TAF3: variants seen among roughly 807,000 people sequenced by gnomAD.
The protein encoded by TAF3 is transcription initiation factor TFIID subunit 3.
TAF3 carries 7 observed loss-of-function variants against 80.6 expected under a neutral mutation model. That is an observed-to-expected ratio of 0.09 (90% CI 0.05 to 0.16). The LOEUF (loss-of-function observed/expected upper bound fraction) is 0.16. Ranked by LOEUF, TAF3 falls within the 10% of genes least tolerant of loss-of-function variation. The pLI is 1.00. For missense variants in TAF3, 921 were observed against 1,140.2 expected (o/e 0.81, Z 2.77); for synonymous variants, 444 against 446.1 (o/e 1.00, Z 0.06).
At chr10:7,892,324 C>T (rs1837463711) in intron 2 of TAF3, among the ~76,000 whole-genome samples, 1 of 152,188 alleles carries the variant, frequency 6.6e-6, no homozygotes, top group Non-Finnish European at 1.5e-5. Flanking sequence ...TGTGGGTGAG[C>T]TGCTGAGGAG....
At chr10:7,857,397 C>T (rs1837092342) in intron 2 of TAF3, among the ~76,000 whole-genome samples, 1 of 152,214 alleles carries the variant, frequency 6.6e-6, no homozygotes, top group Non-Finnish European at 1.5e-5. Context: ...CTTAAACAGT[C>T]TGTCCGGGAG....
chr10:8,009,968 G>C lies in TAF3; in HGVS notation c.2568+638G>C, dbSNP rs1185238800. Among the ~76,000 whole-genome samples, 2 of 151,896 alleles carry C rather than the reference G, an allele frequency of 1.3e-5. No individual in the cohort carries two copies. Among genetic ancestry groups the C allele is most frequent in the African/African-American group, 4.8e-5 (2 of 41,322 alleles). Reference sequence around the variant, plus strand: ...ACTCTGTCACCGAGGCTGGAGTGCAGTGGTACGATCTCGGCTCACTGCAGC... The same window carrying C: ...ACTCTGTCACCGAGGCTGGAGTGCACTGGTACGATCTCGGCTCACTGCAGC... On this transcript the variant is annotated intron_variant, in intron 5 of 6. Transcript: ENST00000344293. The surrounding 1 kb of genome is among the most constrained non-coding windows in gnomAD (Gnocchi z 4.1).
Position 7,964,459 on chromosome 10 carries a change from A to G in TAF3, c.949A>G (p.Ser317Gly), listed in dbSNP as rs766254651. ...KEKKSPGRSK[S>G]PKSPKSPKVT... ...AAAGAAATCACCTGGACGTTCCAAG[A>G]GCCCCAAGAGTCCCAAGAGCCCCAA... The change falls in exon 3 of 7, where the codon AGC becomes GGC. Residue 317 changes from serine to glycine, a missense_variant. This residue lies in a region of TAF3 where 743 missense variants were observed against 821.0 expected (regional missense o/e 0.90). Transcript: ENST00000344293. The surrounding 1 kb of genome is among the most constrained non-coding windows in gnomAD (Gnocchi z 4.1). 1.2e-6 allele frequency: 2 copies of G among 1,613,850 alleles called. No homozygotes were observed. The highest frequency in any genetic ancestry group is 1.7e-6 in the Non-Finnish European group (2 of 1,179,972).
intron 2 of TAF3, among the ~76,000 whole-genome samples, chr10:7,871,432 C>T (rs1837263526): frequency 1.3e-5 from 1 of 74,124 alleles, no homozygotes; most frequent in Non-Finnish European, 2.8e-5. Flanking sequence ...CAAATAACTG[C>T]TGCTTTTTTT....
chr10:7,870,888 AG>A (rs1329048614), intron 2 of TAF3, among the ~76,000 whole-genome samples: 1 of 152,104 alleles, frequency 6.6e-6, no homozygotes, highest in African/African-American at 2.4e-5. Flanking sequence ...TGAAGCTCAG[AG>A]TTTCTTGTAA....
At chr10:7,823,320 A>G (rs1361298371) in intron 1 of TAF3, among the ~76,000 whole-genome samples, 1 of 151,012 alleles carries the variant, frequency 6.6e-6, no homozygotes, top group Non-Finnish European at 1.5e-5. Flanking sequence ...ACAGCACACT[A>G]CTTATTTGAT....
At chr10:7,982,543 C>T (rs183570493) in intron 4 of TAF3, among the ~76,000 whole-genome samples, 11 of 152,228 alleles carry the variant, frequency 7.2e-5, no homozygotes, top group Non-Finnish European at 1.6e-4. Flanking sequence ...GGATTTCAGG[C>T]ATGTGCCACC....
intron 2 of TAF3, among the ~76,000 whole-genome samples, chr10:7,878,400 G>A (rs929148939): frequency 2.0e-5 from 3 of 152,104 alleles, no homozygotes; most frequent in Non-Finnish European, 4.4e-5. Flanking sequence ...GAGCACTTCT[G>A]CTCTTAGAAG....
At position 8,009,392 on chromosome 10, in the gene TAF3, C is replaced by A; in HGVS notation, c.2568+62C>A. The A allele has an allele frequency of 6.6e-7, 1 of 1,508,342 alleles. No homozygotes were observed. Among genetic ancestry groups the A allele is most frequent in the Non-Finnish European group, 8.9e-7 (1 of 1,128,656 alleles). The allele number at this position is 1,508,342 out of a possible 1,614,324, so 93.4% of individuals were successfully genotyped here. ...GTTTTCAGATCGAGACAAGTGTGTG[C>A]TCTGAATCACTATCGAATTTCAGAC... On this transcript the variant is annotated intron_variant, in intron 5 of 6. Transcript: ENST00000344293. The surrounding 1 kb of genome is among the most constrained non-coding windows in gnomAD (Gnocchi z 4.1).
intron 1 of TAF3, among the ~76,000 whole-genome samples, chr10:7,824,088 T>C (rs1836717805): frequency 6.6e-6 from 1 of 152,152 alleles, no homozygotes; most frequent in South Asian, 2.1e-4. Flanking sequence ...ATGAATGTGG[T>C]TTTTCTGTGG....
chr10:8,002,360 A>G (rs1025979648), intron 4 of TAF3, among the ~76,000 whole-genome samples: 1 of 151,896 alleles, frequency 6.6e-6, no homozygotes, highest in Non-Finnish European at 1.5e-5. Flanking sequence ...TTTTGGCGGG[A>G]GCTATAATTT....
chr10:8,009,216 C>A lies in TAF3; in HGVS notation c.2454C>A (p.Leu818=). ...CTGCGCCCGTGCCGCTGCCGCTGCTCGCCCAGGCCGCCGCGGGCCCTGCCC... is the reference window on the plus strand; with the variant it reads ...CTGCGCCCGTGCCGCTGCCGCTGCTAGCCCAGGCCGCCGCGGGCCCTGCCC... The part of the protein sequence containing the change: ...VSPAPVPLPL[L]AQAAAGPALL... Residue 818 remains leucine (L), a synonymous_variant, in exon 5 of 7, where the codon CTC becomes CTA. Coordinates refer to ENST00000344293, the MANE Select transcript of TAF3 (RefSeq NM_031923.4). This position sits in a 1 kb window ranked among gnomAD's most constrained non-coding sequence, Gnocchi z 4.1. 6.9e-7 allele frequency: 1 copy of A among 1,451,858 alleles called. No homozygotes were observed. The highest frequency in any genetic ancestry group is 9.1e-7 in the Non-Finnish European group (1 of 1,102,828). The allele number at this position is 1,451,858 out of a possible 1,614,324, so 89.9% of individuals were successfully genotyped here. A position where few individuals can be genotyped will look rare whatever the true frequency, so the allele number is the denominator to read the frequency against.
In TAF3 at chr10:7,843,275, CT is replaced by C. The variant is rs35391531; in HGVS notation, c.409+18729del. ...AGCTTGCACCACCATGCCCAGCTAA[CT>C]TTTTTTTTTTTTTGTAGAGATGGGC... On this transcript the variant is annotated intron_variant, in intron 2 of 6. Coordinates refer to ENST00000344293, the MANE Select transcript of TAF3 (RefSeq NM_031923.4). Among the ~76,000 whole-genome samples the C allele has an allele frequency of 6.6e-3, 947 of 144,454 alleles. 6 individuals carry two copies. Among genetic ancestry groups the C allele is most frequent in the South Asian group, 0.024 (111 of 4,572 alleles). 94.8% of individuals were successfully genotyped at this position (144,454 alleles called of 152,430 possible). A position where few individuals can be genotyped will look rare whatever the true frequency, so the allele number is the denominator to read the frequency against.
chr10:7,846,265 G>A (rs1454682323), intron 2 of TAF3, among the ~76,000 whole-genome samples: 1 of 152,124 alleles, frequency 6.6e-6, no homozygotes, highest in Non-Finnish European at 1.5e-5. Flanking sequence ...CCAAAAGGAT[G>A]AAGTTTTTAA....
intron 2 of TAF3, among the ~76,000 whole-genome samples, chr10:7,863,033 G>C (rs1837162874): frequency 6.6e-6 from 1 of 152,086 alleles, no homozygotes; most frequent in Admixed American, 6.5e-5. Context: ...TAAATACCCA[G>C]GAATGGAATG....
At chr10:7,833,409 G>A (rs1836821361) in intron 2 of TAF3, among the ~76,000 whole-genome samples, 1 of 152,076 alleles carries the variant, frequency 6.6e-6, no homozygotes, top group Admixed American at 6.5e-5. Context: ...ACAGGTGTGA[G>A]GTAATATCTC....
At chr10:7,960,311 G>C (rs1838177419) in intron 2 of TAF3, among the ~76,000 whole-genome samples, 1 of 152,184 alleles carries the variant, frequency 6.6e-6, no homozygotes, top group African/African-American at 2.4e-5. Flanking sequence ...CAAAAGCGAG[G>C]GAGGGAGGGA....
chr10:7,976,246 T>C (rs1282065670), intron 3 of TAF3, among the ~76,000 whole-genome samples: 2 of 151,698 alleles, frequency 1.3e-5, no homozygotes, highest in Non-Finnish European at 2.9e-5. Context: ...TTCTTTCTTT[T>C]TTCTTTTTTT....
At chr10:8,010,472 T>C (rs1832044076) in intron 5 of TAF3, among the ~76,000 whole-genome samples, 1 of 152,258 alleles carries the variant, frequency 6.6e-6, no homozygotes, top group Non-Finnish European at 1.5e-5. Context: ...TGTACACTGA[T>C]ATTATGAGCC....
Sources: gnomAD v4.1 joint callset for allele counts (sites outside exome capture counted in the v4.1 genomes callset) on GRCh38, gnomAD v4.1.1 for gene constraint, gnomAD v4.1.1 regional missense constraint, Gnocchi (gnomAD v3.1) non-coding constraint, MANE v1.5 for transcripts, NCBI Gene and HGNC (gene_info 2026-07-23, HGNC 2026-07-21) for gene names.